The following ZNF148 variants were observed in gnomAD, a reference collection of about 807,000 sequenced individuals.
ZNF148 encodes zinc finger protein 148, also known as Beta-Enolase Repressor Factor-1.
A neutral mutation model predicts 67.7 loss-of-function variants in ZNF148; 7 were observed. The ratio of observed to expected loss-of-function variants is 0.10; its 90% CI spans 0.06 to 0.19. The LOEUF is 0.19. Ranked by LOEUF, ZNF148 falls within the 10% of genes least tolerant of loss-of-function variation. The pLI is 1.00. For synonymous variants in ZNF148, 333 were observed against 330.7 expected (o/e 1.01, Z -0.08); for missense variants, 583 against 947.1 (o/e 0.62, Z 5.05).
chr3:125,298,907 G>A (rs570283631), intron 4 of ZNF148, among the ~76,000 whole-genome samples: 51 of 152,144 alleles, frequency 3.4e-4, no homozygotes, highest in Non-Finnish European at 6.6e-4. Context: ...GATTACAGGC[G>A]TGAGCCACTG....
intron 5 of ZNF148, among the ~76,000 whole-genome samples, chr3:125,285,762 C>T (rs747499958): frequency 6.6e-6 from 1 of 152,058 alleles, no homozygotes; most frequent in Non-Finnish European, 1.5e-5. Flanking sequence ...TAAGAATTCT[C>T]TAAAGGGCTA....
intron 3 of ZNF148, among the ~76,000 whole-genome samples, chr3:125,316,564 T>C (rs773862924): frequency 6.6e-6 from 1 of 152,232 alleles, no homozygotes; most frequent in Non-Finnish European, 1.5e-5. Flanking sequence ...TGACATCTCA[T>C]TGCAGTTTTG....
At chr3:125,246,119 C>T (rs1037231439) in intron 7 of ZNF148, among the ~76,000 whole-genome samples, 1 of 152,120 alleles carries the variant, frequency 6.6e-6, no homozygotes, top group Admixed American at 6.5e-5. Flanking sequence ...AAATGTAAAG[C>T]ACTTAATACT....
At position 125,326,916 on chromosome 3, in the gene ZNF148, T is replaced by C. The variant is rs184906412; in HGVS notation, c.-152-3472A>G. The stretch of plus-strand genomic sequence containing the variant: ...CAGATACCAAAATGGCAAATGTAAA[T>C]CCAACCATATCCCTAATTAAATATG... On this transcript the variant is annotated intron_variant, in intron 2 of 8. Coordinates refer to ENST00000360647, the MANE Select transcript of ZNF148 (RefSeq NM_021964.3). Among the ~76,000 whole-genome samples, 132 of 150,066 alleles carry C rather than the reference T, an allele frequency of 8.8e-4. 1 individual carries two copies. Among genetic ancestry groups the C allele is most frequent in the African/African-American group, 3.1e-3 (129 of 41,080 alleles).
At chr3:125,291,571 T>A (rs1275345581) in intron 4 of ZNF148, among the ~76,000 whole-genome samples, 2 of 152,116 alleles carry the variant, frequency 1.3e-5, no homozygotes, top group African/African-American at 2.4e-5. Context: ...CCTGATTCCA[T>A]TCCCACCCAT....
chr3:125,276,361 T>C (rs2107603390), intron 7 of ZNF148, among the ~76,000 whole-genome samples: 1 of 152,274 alleles, frequency 6.6e-6, no homozygotes, highest in East Asian at 1.9e-4. Context: ...AAAATGATTG[T>C]TAAAAAGTAG....
chr3:125,226,995 G>A lies in ZNF148; in HGVS notation c.*5346C>T, dbSNP rs939989275. Reference sequence around the variant, plus strand: ...GAGAGGGGAAGGAAAGACCCATTTTGTATCTGATCCCGAGTTTGCAGTTGA... The same window carrying A: ...GAGAGGGGAAGGAAAGACCCATTTTATATCTGATCCCGAGTTTGCAGTTGA... On this transcript the variant is annotated 3_prime_UTR_variant, in exon 9 of 9. Transcript: ENST00000360647. 3 of 152,110 alleles carry A rather than the reference G, an allele frequency of 2.0e-5. No individual in the cohort carries two copies. Among genetic ancestry groups the A allele is most frequent in the African/African-American group, 2.4e-5 (1 of 41,438 alleles). The allele number at this position is 152,110 out of a possible 1,614,324, so 9.4% of individuals were successfully genotyped here.
chr3:125,287,981 C>T, intron 5 of ZNF148, 122 bp downstream of exon 5: 1 of 1,403,226 alleles, frequency 7.1e-7, no homozygotes, highest in Non-Finnish European at 9.7e-7. Flanking sequence ...CACGCACCCC[C>T]TCCTACTAAA....
chr3:125,320,768 C>G (rs893721752), intron 3 of ZNF148, among the ~76,000 whole-genome samples: 1 of 152,104 alleles, frequency 6.6e-6, no homozygotes, highest in African/African-American at 2.4e-5. Context: ...GTTCTGAAAA[C>G]AGGTAAAAGA....
At position 125,305,090 on chromosome 3, in the gene ZNF148, G is replaced by T. The variant is rs566232210; in HGVS notation, c.333+8218C>A. ...TTTTTAAAAACCCTAATTCCATATTGATAAATAAAGTGTGATAAGGAATAA... is the reference window on the plus strand; with the variant it reads ...TTTTTAAAAACCCTAATTCCATATTTATAAATAAAGTGTGATAAGGAATAA... On this transcript the variant is annotated intron_variant, in intron 4 of 8. Transcript: ENST00000360647. Among the ~76,000 whole-genome samples the T allele has an allele frequency of 3.3e-5, 5 of 152,250 alleles. No individual in the cohort carries two copies. The East Asian group carries it at 9.6e-4, about 29-fold the overall frequency.
At chr3:125,341,961 C>A (rs1179483327) in intron 1 of ZNF148, among the ~76,000 whole-genome samples, 1 of 147,994 alleles carries the variant, frequency 6.8e-6, no homozygotes, top group Non-Finnish European at 1.5e-5. Context: ...GTGCCACTAA[C>A]TCCAGCCTGG....
At chr3:125,336,648 A>T (rs1168170241) in intron 1 of ZNF148, among the ~76,000 whole-genome samples, 5 of 151,330 alleles carry the variant, frequency 3.3e-5, no homozygotes, top group Admixed American at 1.3e-4. Context: ...ACCAACCAAT[A>T]AACTCAAACC....
intron 1 of ZNF148, among the ~76,000 whole-genome samples, chr3:125,359,895 A>G (rs530726414): frequency 4.6e-5 from 7 of 152,228 alleles, no homozygotes; most frequent in Non-Finnish European, 1.0e-4. Context: ...GCCACCATGC[A>G]GCTCCACGCC....
Position 125,232,463 on chromosome 3 carries a change from C to T in ZNF148, c.2263G>A (p.Val755Met), listed in dbSNP as rs772661188. ...ATQFSTANGQ[V>M]NLRGPGTSAE... Reference sequence around the variant, plus strand: ...CTTGTCCCTGGTCCCCGAAGGTTCACCTGTCCATTGGCAGTGCTAAATTGA... The same window carrying T: ...CTTGTCCCTGGTCCCCGAAGGTTCATCTGTCCATTGGCAGTGCTAAATTGA... The change falls in exon 9 of 9, where the codon GTG (valine) becomes ATG (methionine). Residue 755 changes from valine (V) to methionine (M), a missense_variant. Val to Met is a conservative substitution (Grantham distance 21, BLOSUM62 1). Transcript: ENST00000360647. The surrounding 1 kb of genome is among the most constrained non-coding windows in gnomAD (Gnocchi z 4.2). 2 of 1,613,678 alleles carry T rather than the reference C, an allele frequency of 1.2e-6. No homozygotes were observed. The highest frequency in any genetic ancestry group is 1.7e-6 in the Non-Finnish European group (2 of 1,179,764).
chr3:125,339,875 G>A (rs183542242), intron 1 of ZNF148, among the ~76,000 whole-genome samples: 23 of 152,188 alleles, frequency 1.5e-4, no homozygotes, highest in Non-Finnish European at 2.6e-4. Flanking sequence ...GATCGGGTGC[G>A]TTCAGGGTGG....
chr3:125,362,222 C>T (rs1458157526), intron 1 of ZNF148, among the ~76,000 whole-genome samples: 1 of 152,196 alleles, frequency 6.6e-6, no homozygotes, highest in Non-Finnish European at 1.5e-5. Flanking sequence ...CCAACAAATA[C>T]TCGAACCCTT....
rs140459712 is a variant in ZNF148 at position 125,361,592 on chromosome 3, G to C, written c.-234+13510C>G. On this transcript the variant is annotated intron_variant, in intron 1 of 8. Coordinates refer to ENST00000360647, the MANE Select transcript of ZNF148 (RefSeq NM_021964.3). Reference sequence around the variant, plus strand: ...CACGTCTGTAATCCCAACACTTTAGGAGGCCAAAGCAGGTGGATCACTTGA... The same window carrying C: ...CACGTCTGTAATCCCAACACTTTAGCAGGCCAAAGCAGGTGGATCACTTGA... Among the ~76,000 whole-genome samples, 197 of 152,194 alleles carry C rather than the reference G, an allele frequency of 1.3e-3. 2 individuals carry two copies. The East Asian group carries it at 0.016, about 13-fold the overall frequency.
At chr3:125,242,369 C>T (rs1295779929) in intron 7 of ZNF148, among the ~76,000 whole-genome samples, 1 of 152,108 alleles carries the variant, frequency 6.6e-6, no homozygotes, top group African/African-American at 2.4e-5. Flanking sequence ...GCCTATAATC[C>T]CAGCACTCTT....
intron 7 of ZNF148, among the ~76,000 whole-genome samples, chr3:125,261,644 G>T (rs1266443667): frequency 6.6e-6 from 1 of 152,020 alleles, no homozygotes; most frequent in Non-Finnish European, 1.5e-5. Flanking sequence ...ACATGAGGAG[G>T]ACTGATAGGA....
Sources: allele counts gnomAD v4.1 joint callset (sites outside exome capture counted in the v4.1 genomes callset), GRCh38; gene constraint gnomAD v4.1.1; non-coding constraint Gnocchi (gnomAD v3.1); transcripts MANE v1.5; gene names NCBI Gene and HGNC (gene_info 2026-07-23, HGNC 2026-07-21).